SPAG16: variants seen among roughly 807,000 people sequenced by gnomAD.
The protein encoded by SPAG16 is sperm associated antigen 16, also known as sperm-associated antigen 16 protein.
SPAG16 carries 86 observed loss-of-function variants against 80.4 expected under a neutral mutation model. The ratio of observed to expected loss-of-function variants is 1.07; its 90% confidence interval spans 0.90 to 1.28. The LOEUF is 1.28. Among genes scored for constraint, SPAG16 ranks in the 50% most tolerant of loss-of-function variants. SPAG16 has a pLI of 0.00. For synonymous variants in SPAG16, 294 were observed against 265.9 expected, an observed-to-expected ratio of 1.11 and a Z score of -1.03; for missense variants, 870 against 765.3, an observed-to-expected ratio of 1.14 and a Z score of -1.61.
At chr2:214,281,668 C>G (rs1692949751) in intron 15 of SPAG16, among the ~76,000 whole-genome samples, 1 of 152,144 alleles carries the variant, frequency 6.6e-6, no homozygotes, top group Admixed American at 6.5e-5. Context: ...TATATACCTA[C>G]CTATCATATG....
intron 10 of SPAG16, among the ~76,000 whole-genome samples, chr2:213,528,218 C>T (rs1434176838): frequency 2.0e-5 from 3 of 151,976 alleles, no homozygotes; most frequent in Non-Finnish European, 2.9e-5. Context: ...ATAGGTGAAA[C>T]TCCAATATTA....
chr2:213,694,593 A>G (rs1308419819), intron 10 of SPAG16, among the ~76,000 whole-genome samples: 3 of 152,020 alleles, frequency 2.0e-5, no homozygotes, highest in Non-Finnish European at 4.4e-5. Context: ...AGGCATCATC[A>G]TTTTGCTTCA....
chr2:213,705,018 G>A (rs141009368), intron 10 of SPAG16, among the ~76,000 whole-genome samples: 10,087 of 152,100 alleles, frequency 0.066, 1,023 homozygotes, highest in African/African-American at 0.22. Flanking sequence ...TTTGGGAGGC[G>A]GAGGCAGGCG....
At chr2:214,151,437 G>GA (rs200718536) in intron 15 of SPAG16, among the ~76,000 whole-genome samples, 26 of 151,376 alleles carry the variant, frequency 1.7e-4, no homozygotes, top group East Asian at 1.4e-3. Context: ...ATTTATTCAG[G>GA]AAAAAAAATG....
rs1553686631 is a variant in SPAG16, at chr2:213,980,725, T to TAG, written c.1401-33193_1401-33192dup. Among the ~76,000 whole-genome samples the TAG allele has an allele frequency of 1.0e-3, 109 of 103,986 alleles. 3 individuals are homozygous for TAG. The highest frequency in any genetic ancestry group is 2.0e-3 in the East Asian group (7 of 3,490). 68.2% of individuals were successfully genotyped at this position (103,986 alleles called of 152,430 possible). ...GTGTGTGTGTGTGTATATATATATATAGAGAGAGAGAGAGAGAGAGAGAGA... is the reference window on the plus strand; with the variant it reads ...GTGTGTGTGTGTGTATATATATATATAGAGAGAGAGAGAGAGAGAGAGAGAGA... On this transcript the variant is annotated intron_variant, in intron 12 of 15. Transcript: ENST00000331683.
At chr2:213,743,478 T>C (rs2067677858) in intron 10 of SPAG16, among the ~76,000 whole-genome samples, 1 of 151,730 alleles carries the variant, frequency 6.6e-6, no homozygotes, top group South Asian at 2.1e-4. Flanking sequence ...CCCTTATTTT[T>C]TCCCTAGAAA....
Position 213,408,619 on chromosome 2 carries a change from C to G in SPAG16, c.942+33500C>G, listed in dbSNP as rs183051041. 5.3e-5 allele frequency among the ~76,000 whole-genome samples: 8 copies of G among 152,196 alleles called. No homozygotes were observed. The East Asian group carries it at 1.5e-3, about 29-fold the overall frequency. ...TTACCGTACAAAGGTCCGACCAGAC[C>G]CAGGAGGAATTCCCTTCAGGACAGG... On this transcript the variant is annotated intron_variant, in intron 9 of 15. Transcript: ENST00000331683.
Position 214,169,598 on chromosome 2 carries a change from C to T in SPAG16, c.1720+20332C>T, listed in dbSNP as rs565400999. Among the ~76,000 whole-genome samples the T allele has an allele frequency of 7.9e-5, 12 of 152,060 alleles. No homozygotes were observed. In the South Asian group the frequency reaches 8.3e-4, roughly 11 times the overall value. ...TGCCTTCCCTTGAGTGTAAGACGAA[C>T]GGCTGTTGAATAGAAACTTCTTTTG... On this transcript the variant is annotated intron_variant, in intron 15 of 15. Transcript: ENST00000331683.
intron 10 of SPAG16, among the ~76,000 whole-genome samples, chr2:213,637,810 T>C (rs1305935329): frequency 6.6e-6 from 1 of 152,122 alleles, no homozygotes; most frequent in Non-Finnish European, 1.5e-5. Flanking sequence ...CAGGCTGGAG[T>C]GTAGTGGCTA....
At chr2:213,614,443 A>C (rs16850563) in intron 10 of SPAG16, among the ~76,000 whole-genome samples, 9,073 of 152,236 alleles carry the variant, frequency 0.06, 894 homozygotes, top group African/African-American at 0.2. Context: ...AGTGGATGCA[A>C]TTTACTTTAA....
intron 9 of SPAG16, among the ~76,000 whole-genome samples, chr2:213,485,837 G>A (rs1575717700): frequency 6.6e-6 from 1 of 152,114 alleles, no homozygotes; most frequent in East Asian, 1.9e-4. Flanking sequence ...GGGAAACCTG[G>A]GTACTCAAGG....
chr2:214,042,978 C>T (rs1020078419), intron 13 of SPAG16, among the ~76,000 whole-genome samples: 1 of 152,050 alleles, frequency 6.6e-6, no homozygotes, highest in African/African-American at 2.4e-5. Flanking sequence ...AATGAATTTT[C>T]AAATCAGACT....
At chr2:214,275,932 C>G (rs1298806765) in intron 15 of SPAG16, among the ~76,000 whole-genome samples, 3 of 152,122 alleles carry the variant, frequency 2.0e-5, no homozygotes, top group African/African-American at 7.2e-5. Flanking sequence ...GAGTCTAAGT[C>G]TCTTTGTGGG....
chr2:213,915,364 G>A (rs2077905776), intron 11 of SPAG16, among the ~76,000 whole-genome samples: 1 of 151,774 alleles, frequency 6.6e-6, no homozygotes, highest in African/African-American at 2.4e-5. Flanking sequence ...CCACTTATGA[G>A]TGAGAACATG....
At chr2:214,356,291 C>T (rs962734303) in intron 15 of SPAG16, among the ~76,000 whole-genome samples, 2 of 151,912 alleles carry the variant, frequency 1.3e-5, no homozygotes, top group African/African-American at 4.8e-5. Context: ...CATTGCTTGT[C>T]CTTTTGATCA....
At chr2:214,333,745 G>T (rs1697089931) in intron 15 of SPAG16, among the ~76,000 whole-genome samples, 1 of 152,174 alleles carries the variant, frequency 6.6e-6, no homozygotes, top group African/African-American at 2.4e-5. Flanking sequence ...AGAGAAGGTG[G>T]AATCCTCAGT....
At chr2:214,255,606 G>T (rs1453571399) in intron 15 of SPAG16, among the ~76,000 whole-genome samples, 1 of 151,824 alleles carries the variant, frequency 6.6e-6, no homozygotes, top group African/African-American at 2.4e-5. Flanking sequence ...ATCTCTACCA[G>T]ATATGGAATG....
chr2:213,706,893 C>T (rs191663710), intron 10 of SPAG16, among the ~76,000 whole-genome samples: 6 of 152,256 alleles, frequency 3.9e-5, no homozygotes, highest in Middle Eastern at 3.4e-3. Flanking sequence ...ATTAACATGG[C>T]GGTCAAGTTG....
Position 214,292,035 on chromosome 2 carries a change from G to T in SPAG16, c.1721-118105G>T, listed in dbSNP as rs115346113. Among the ~76,000 whole-genome samples the T allele has an allele frequency of 4.7e-3, 708 of 152,248 alleles. 4 individuals are homozygous for T. Among genetic ancestry groups the T allele is most frequent in the African/African-American group, 0.016 (673 of 41,538 alleles). ...TTGCTGTGCATGATATCCTTGAGTG[G>T]GAAGTTTGTTTTTTTTTAAAGCACT... On this transcript the variant is annotated intron_variant, in intron 15 of 15. Coordinates refer to ENST00000331683, the MANE Select transcript of SPAG16 (RefSeq NM_024532.5).
Sources: allele counts gnomAD v4.1 joint callset (sites outside exome capture counted in the v4.1 genomes callset), GRCh38; gene constraint gnomAD v4.1.1; transcripts MANE v1.5; gene names NCBI Gene and HGNC (gene_info 2026-07-23, HGNC 2026-07-21).